The following SEMA3E variants were observed in gnomAD, a reference collection of about 807,000 sequenced individuals.
SEMA3E encodes semaphorin 3E, also known as semaphorin-3E.
Under a neutral mutation model 93.6 loss-of-function variants are expected in SEMA3E, and 49 were observed. The observed-to-expected ratio is 0.52, with a 90% CI of 0.42 to 0.66. The LOEUF (loss-of-function observed/expected upper bound fraction) is 0.66. Ranked by LOEUF, SEMA3E falls within the 30% of genes least tolerant of loss-of-function variation. SEMA3E has a pLI of 0.00. For synonymous variants in SEMA3E, 363 were observed against 330.7 expected, an observed-to-expected ratio of 1.10 and a Z score of -1.06; for missense variants, 906 against 964.8, an observed-to-expected ratio of 0.94 and a Z score of 0.81.
chr7:83,543,758 A>C (rs971998022), intron 1 of SEMA3E, among the ~76,000 whole-genome samples: 4 of 152,060 alleles, frequency 2.6e-5, no homozygotes, highest in African/African-American at 9.7e-5. Flanking sequence ...CTCGTTCTGC[A>C]TGCCTATAAA....
At chr7:83,521,700 GTGT>G (rs1791052534) in intron 1 of SEMA3E, among the ~76,000 whole-genome samples, 1 of 152,040 alleles carries the variant, frequency 6.6e-6, no homozygotes, top group Non-Finnish European at 1.5e-5. Context: ...CTGTCTTCTG[GTGT>G]TGTCCTCATG....
At chr7:83,580,359 C>A (rs1030552671) in intron 1 of SEMA3E, among the ~76,000 whole-genome samples, 2 of 151,990 alleles carry the variant, frequency 1.3e-5, no homozygotes, top group African/African-American at 4.8e-5. Context: ...CTTCACCTTA[C>A]CTAAAATGCT....
intron 1 of SEMA3E, among the ~76,000 whole-genome samples, chr7:83,587,892 A>G (rs1352082757): frequency 6.6e-6 from 1 of 152,068 alleles, no homozygotes; most frequent in Non-Finnish European, 1.5e-5. Context: ...TTTAAATGCT[A>G]TTCTTAAGCA....
At chr7:83,515,240 A>G (rs1790902581) in intron 1 of SEMA3E, among the ~76,000 whole-genome samples, 1 of 151,210 alleles carries the variant, frequency 6.6e-6, no homozygotes. Context: ...CCTGTGCTGC[A>G]GGTGCTTTAC....
intron 1 of SEMA3E, among the ~76,000 whole-genome samples, chr7:83,579,983 C>T (rs990761302): frequency 7.2e-5 from 11 of 152,068 alleles, no homozygotes; most frequent in African/African-American, 2.6e-4. Flanking sequence ...TGCTTTTGCT[C>T]AGTTTAGTCA....
intron 14 of SEMA3E, among the ~76,000 whole-genome samples, chr7:83,387,401 T>A (rs1441318365): frequency 6.6e-6 from 1 of 152,108 alleles, no homozygotes; most frequent in Non-Finnish European, 1.5e-5. Flanking sequence ...ATAAAGACAA[T>A]GGGATTTGAA....
At chr7:83,405,046 G>C (rs3757607) in intron 9 of SEMA3E, among the ~76,000 whole-genome samples, 17,017 of 151,954 alleles carry the variant, frequency 0.11, 1,000 homozygotes, top group East Asian at 0.15. Flanking sequence ...AGTTGAGATA[G>C]AACCTTGAAA....
chr7:83,512,561 A>AG (rs1790846587), intron 1 of SEMA3E, among the ~76,000 whole-genome samples: 2 of 152,242 alleles, frequency 1.3e-5, no homozygotes, highest in Non-Finnish European at 2.9e-5. Flanking sequence ...AGGAAGAAAC[A>AG]GAAAAAAAAG....
intron 14 of SEMA3E, among the ~76,000 whole-genome samples, chr7:83,392,001 C>T (rs1788028309): frequency 6.6e-6 from 1 of 152,124 alleles, no homozygotes; most frequent in South Asian, 2.1e-4. Context: ...AAATACTTAA[C>T]TGCACCTCAA....
chr7:83,646,970 A>G (rs576894809), intron 1 of SEMA3E, among the ~76,000 whole-genome samples: 1 of 152,026 alleles, frequency 6.6e-6, no homozygotes, highest in South Asian at 2.1e-4. Context: ...ATTTTTTTGC[A>G]TTTTTATTTG....
intron 7 of SEMA3E, among the ~76,000 whole-genome samples, 158 bp from the exon 8 acceptor site, chr7:83,406,217 C>T (rs757432147): frequency 5.9e-5 from 9 of 151,972 alleles, no homozygotes; most frequent in Non-Finnish European, 1.2e-4. Context: ...TGCAACTCCC[C>T]ATAATTTGGA....
chr7:83,380,819 C>A (rs1295195657), intron 16 of SEMA3E, among the ~76,000 whole-genome samples: 4 of 151,840 alleles, frequency 2.6e-5, no homozygotes, highest in African/African-American at 9.7e-5. Flanking sequence ...TTCAAAACAC[C>A]AATTGCAGAC....
At chr7:83,483,761 G>A (rs1297802587) in intron 2 of SEMA3E, among the ~76,000 whole-genome samples, 1 of 152,166 alleles carries the variant, frequency 6.6e-6, no homozygotes, top group African/African-American at 2.4e-5. Flanking sequence ...GAAACATCAT[G>A]TGGAAACAAT....
chr7:83,646,137 C>A (rs1027192525), intron 1 of SEMA3E, among the ~76,000 whole-genome samples: 1 of 152,030 alleles, frequency 6.6e-6, no homozygotes, highest in African/African-American at 2.4e-5. Context: ...ATGACATATA[C>A]CTAGTGCCTC....
chr7:83,648,537 T>A lies in SEMA3E; in HGVS notation c.6A>T (p.Ala2=). M[A]SAGHIITLLL... ...GCAAGGTGATAATGTGCCCCGCGGATGCCATGCTGCCGTGTTCACCGTCCA... is the reference window on the plus strand; with the variant it reads ...GCAAGGTGATAATGTGCCCCGCGGAAGCCATGCTGCCGTGTTCACCGTCCA... The change falls in exon 1 of 17, where the codon GCA becomes GCT. Residue 2 remains alanine, a synonymous_variant. Transcript: ENST00000643230. The A allele has an allele frequency of 1.2e-6, 2 of 1,612,846 alleles. No individual in the cohort carries two copies. The highest frequency in any genetic ancestry group is 2.2e-5 in the South Asian group (2 of 91,030).
At chr7:83,476,527 C>G (rs7811671) in intron 2 of SEMA3E, among the ~76,000 whole-genome samples, 86,085 of 151,496 alleles carry the variant, frequency 0.57, 25,429 homozygotes, top group African/African-American at 0.73. Context: ...AAGTTTTTTT[C>G]TTGTTATTTT....
intron 16 of SEMA3E, among the ~76,000 whole-genome samples, chr7:83,383,121 C>T (rs1376756344): frequency 2.6e-5 from 4 of 151,716 alleles, no homozygotes; most frequent in African/African-American, 9.7e-5. Flanking sequence ...GAGATGAACC[C>T]TGATGAGCAT....
chr7:83,487,719 T>G (rs1790296305), intron 2 of SEMA3E, among the ~76,000 whole-genome samples: 15 of 106,742 alleles, frequency 1.4e-4, no homozygotes, highest in Admixed American at 1.2e-3. Flanking sequence ...GTGTGTGTAT[T>G]TTATATATAT....
intron 16 of SEMA3E, among the ~76,000 whole-genome samples, chr7:83,382,455 A>G (rs1787795301): frequency 6.6e-6 from 1 of 151,956 alleles, no homozygotes; most frequent in South Asian, 2.1e-4. Context: ...CTGCATGTGT[A>G]AGATGAAGAA....
Sources: gnomAD v4.1 joint callset for allele counts (sites outside exome capture counted in the v4.1 genomes callset) on GRCh38, gnomAD v4.1.1 for gene constraint, MANE v1.5 for transcripts, NCBI Gene and HGNC (gene_info 2026-07-23, HGNC 2026-07-21) for gene names.